Variants in NRXN3 observed in about 807,000 individuals in gnomAD.
The protein encoded by NRXN3 is neurexin 3, also known as neurexin III.
Under a neutral mutation model 137.6 loss-of-function variants are expected in NRXN3, and 32 were observed. The ratio of observed to expected loss-of-function variants is 0.23; its 90% confidence interval spans 0.18 to 0.31. The LOEUF is 0.31. Ranked by LOEUF, NRXN3 falls within the 10% of genes least tolerant of loss-of-function variation. The probability of loss-of-function intolerance (pLI) is 1.00; values close to 1 mark genes in which losing one functional copy is unlikely to be tolerated. For missense variants in NRXN3, 1,574 were observed against 2,062.5 expected (o/e 0.76, Z 4.59); for synonymous variants, 798 against 784.5 (o/e 1.02, Z -0.29).
chr14:78,483,404 AC>A (rs2095505194), intron 4 of NRXN3, among the ~76,000 whole-genome samples: 1 of 152,172 alleles, frequency 6.6e-6, no homozygotes. Context: ...CAGCATGGAG[AC>A]TTAGCAGTTA....
chr14:79,626,987 G>A (rs939186902), intron 16 of NRXN3, among the ~76,000 whole-genome samples: 3 of 152,136 alleles, frequency 2.0e-5, no homozygotes, highest in African/African-American at 7.2e-5. Context: ...AATCTCGGGT[G>A]AGAAATAGTA....
At chr14:79,659,253 T>G (rs561589475) in intron 16 of NRXN3, among the ~76,000 whole-genome samples, 1 of 152,220 alleles carries the variant, frequency 6.6e-6, no homozygotes, top group South Asian at 2.1e-4. Flanking sequence ...ATTTACCACT[T>G]GTTTTTGTTT....
At chr14:78,226,549 A>G (rs1369835759) in intron 1 of NRXN3, among the ~76,000 whole-genome samples, 1 of 152,212 alleles carries the variant, frequency 6.6e-6, no homozygotes, top group Non-Finnish European at 1.5e-5. Context: ...TAAGATATAA[A>G]TAGGTACTAA....
intron 4 of NRXN3, among the ~76,000 whole-genome samples, chr14:78,321,705 T>C (rs1435002354): frequency 1.3e-5 from 2 of 152,024 alleles, no homozygotes; most frequent in Non-Finnish European, 2.9e-5. Flanking sequence ...GTGTACTTCT[T>C]CCTTTCACAG....
At chr14:78,429,285 G>A (rs1451274626) in intron 4 of NRXN3, among the ~76,000 whole-genome samples, 1 of 151,812 alleles carries the variant, frequency 6.6e-6, no homozygotes, top group African/African-American at 2.4e-5. Context: ...TGCTATGTTG[G>A]TCAGGCTGGT....
At chr14:78,510,838 A>C (rs2096090898) in intron 4 of NRXN3, among the ~76,000 whole-genome samples, 1 of 152,176 alleles carries the variant, frequency 6.6e-6, no homozygotes, top group South Asian at 2.1e-4. Context: ...CATTGCTAAC[A>C]CTGATATTTT....
chr14:78,541,093 G>T (rs371198489), intron 4 of NRXN3, among the ~76,000 whole-genome samples: 1 of 141,338 alleles, frequency 7.1e-6, no homozygotes, highest in African/African-American at 2.5e-5. Flanking sequence ...ACAATTATGT[G>T]TCTGGGGTTG....
intron 8 of NRXN3, among the ~76,000 whole-genome samples, chr14:78,768,203 A>G (rs1011469446): frequency 2.0e-5 from 3 of 152,026 alleles, no homozygotes; most frequent in Non-Finnish European, 4.4e-5. Context: ...TTCTCTGTCA[A>G]TATTTACTTT....
chr14:78,653,841 A>G (rs1263258020), intron 6 of NRXN3, among the ~76,000 whole-genome samples: 1 of 152,194 alleles, frequency 6.6e-6, no homozygotes, highest in African/African-American at 2.4e-5. Flanking sequence ...AACAGTGTCA[A>G]TAATAGAAAT....
intron 4 of NRXN3, among the ~76,000 whole-genome samples, chr14:78,572,054 A>G (rs2096894739): frequency 6.6e-6 from 1 of 152,202 alleles, no homozygotes; most frequent in Non-Finnish European, 1.5e-5. Flanking sequence ...AGCACTGGCT[A>G]TTTACATACC....
At chr14:78,400,999 A>G (rs2091993894) in intron 4 of NRXN3, among the ~76,000 whole-genome samples, 1 of 152,174 alleles carries the variant, frequency 6.6e-6, no homozygotes. Context: ...TGGCAGGTTC[A>G]GCATCTGGTG....
In NRXN3 at chr14:78,332,669, A is replaced by G. The variant is rs539870481; in HGVS notation, c.757+34809A>G. ...GCCCCCTTCCATGGAACTGGCTGAT[A>G]AAGGCTTTAAGTGTCATCTAACCCA... is the stretch of plus-strand genomic sequence containing the variant. On this transcript the variant is annotated intron_variant, in intron 4 of 20. Transcript: ENST00000335750. Among the ~76,000 whole-genome samples, 4 of 152,252 alleles carry G rather than the reference A, an allele frequency of 2.6e-5. 1 individual carries two copies. In the South Asian group the frequency reaches 8.3e-4, roughly 32 times the overall value.
intron 15 of NRXN3, among the ~76,000 whole-genome samples, chr14:79,243,225 G>A (rs576522004): frequency 1.4e-3 from 216 of 152,122 alleles, no homozygotes; most frequent in South Asian, 2.5e-3. Flanking sequence ...GGATTCCACC[G>A]TCTACTAGGG....
intron 6 of NRXN3, among the ~76,000 whole-genome samples, chr14:78,703,212 A>G (rs1208517095): frequency 6.6e-6 from 1 of 152,250 alleles, no homozygotes; most frequent in East Asian, 1.9e-4. Context: ...TGAAAAGACA[A>G]GACTTGTGCT....
intron 10 of NRXN3, among the ~76,000 whole-genome samples, chr14:78,876,827 A>G (rs2099115044): frequency 2.0e-5 from 3 of 152,222 alleles, no homozygotes; most frequent in Admixed American, 6.5e-5. Context: ...AAGGTTTTAC[A>G]TAGTGCATTC....
intron 10 of NRXN3, among the ~76,000 whole-genome samples, chr14:78,902,696 A>G (rs1164528514): frequency 1.3e-5 from 2 of 152,022 alleles, no homozygotes; most frequent in African/African-American, 4.8e-5. Flanking sequence ...AGCCTGATGT[A>G]CAAGGCTCTT....
chr14:79,025,389 T>C (rs2099596377), intron 15 of NRXN3, among the ~76,000 whole-genome samples: 1 of 152,162 alleles, frequency 6.6e-6, no homozygotes, highest in Non-Finnish European at 1.5e-5. Context: ...CCCAGCCCTG[T>C]ATAATCTCCC....
chr14:78,401,473 A>G (rs569149630), intron 4 of NRXN3, among the ~76,000 whole-genome samples: 1 of 152,246 alleles, frequency 6.6e-6, no homozygotes, highest in African/African-American at 2.4e-5. Flanking sequence ...CCCAAAGGCC[A>G]CTTTTTAATA....
chr14:78,781,099 GA>G (rs2153028000), intron 8 of NRXN3, among the ~76,000 whole-genome samples: 1 of 152,290 alleles, frequency 6.6e-6, no homozygotes, highest in Non-Finnish European at 1.5e-5. Flanking sequence ...CAGAACAAAT[GA>G]GAGCTACATG....
Sources: gnomAD v4.1 joint callset for allele counts (sites outside exome capture counted in the v4.1 genomes callset) on GRCh38, gnomAD v4.1.1 for gene constraint, MANE v1.5 for transcripts, NCBI Gene and HGNC (gene_info 2026-07-23, HGNC 2026-07-21) for gene names.